Variants in TRPV2 observed in about 807,000 individuals in gnomAD.
TRPV2 encodes OTRPC2.
TRPV2 carries 58 observed loss-of-function variants against 91.0 expected under a neutral mutation model. The observed-to-expected ratio is 0.64, with a 90% CI of 0.52 to 0.79. TRPV2 has a LOEUF of 0.79. Ranked by LOEUF, TRPV2 falls within the 30% of genes least tolerant of loss-of-function variation. The pLI is 0.00. For synonymous variants in TRPV2, 417 were observed against 414.8 expected, an observed-to-expected ratio of 1.01 and a Z score of -0.06; for missense variants, 807 against 969.6, an observed-to-expected ratio of 0.83 and a Z score of 2.23.
chr17:16,429,053 A>G lies in TRPV2; in HGVS notation c.1587+71A>G. The G allele has an allele frequency of 1.2e-5, 18 of 1,537,686 alleles. No homozygotes were observed. In the South Asian group the frequency reaches 1.9e-4, roughly 16 times the overall value. On this transcript the variant is annotated intron_variant, in intron 10 of 14. Transcript: ENST00000338560. ...GCAAGAAGAGCCTTCCTCCACAGCT[A>G]TCCTAGGCAGAGGAGGGCATGTGTA... is the stretch of plus-strand genomic sequence containing the variant.
At chr17:16,428,519 C>T in intron 9 of TRPV2, 132 bp downstream of exon 9, 1 of 999,578 alleles carries the variant, frequency 1.0e-6, no homozygotes, top group Non-Finnish European at 1.6e-6. Context: ...GTGTACAGGC[C>T]AGTCCCAGGA....
chr17:16,422,736 G>C lies in TRPV2; in HGVS notation c.472G>C (p.Asp158His). 6.3e-7 allele frequency: 1 copy of C among 1,596,086 alleles called. No homozygotes were observed. The highest frequency in any genetic ancestry group is 8.5e-7 in the Non-Finnish European group (1 of 1,170,364). ...GCCCCTGGTAAATGCCCAGTGCACAGATGACTATTACCGAGGCCACAGCGC... is the reference window on the plus strand; with the variant it reads ...GCCCCTGGTAAATGCCCAGTGCACACATGACTATTACCGAGGCCACAGCGC... The part of the protein sequence containing the change: ...PQPLVNAQCT[D>H]DYYRGHSALH... Residue 158 changes from aspartate (D) to histidine (H), a missense_variant, in exon 4 of 15, where the codon GAT (aspartate) becomes CAT (histidine). Transcript: ENST00000338560.
At chr17:16,432,404 G>A in intron 12 of TRPV2, 104 bp downstream of exon 12, 1 of 1,018,956 alleles carries the variant, frequency 9.8e-7, no homozygotes, top group Non-Finnish European at 1.4e-6. Flanking sequence ...GGAGATGCCG[G>A]GTTGGGCAGC....
At chr17:16,417,958 C>G in intron 2 of TRPV2, 90 bp downstream of exon 2, 1 of 1,269,150 alleles carries the variant, frequency 7.9e-7, no homozygotes, top group Non-Finnish European at 1.1e-6. Flanking sequence ...TAGTCCAGCA[C>G]CAGTGCCCCT....
At chr17:16,429,013 T>C in intron 10 of TRPV2, 31 bp downstream of exon 10, 1 of 1,611,598 alleles carries the variant, frequency 6.2e-7, no homozygotes, top group Non-Finnish European at 8.5e-7. Context: ...ACCGGGACTC[T>C]TTTGGCCTCA....
At chr17:16,431,292 T>TATATATA (rs1491493192) in intron 10 of TRPV2, among the ~76,000 whole-genome samples, 74 of 16,266 alleles carry the variant, frequency 4.5e-3, no homozygotes, top group Non-Finnish European at 5.7e-3. Context: ...TATATACATA[T>TATATATA]TTTTTTTTTT....
chr17:16,434,422 C>T (rs1379516080), intron 13 of TRPV2, among the ~76,000 whole-genome samples: 11 of 148,934 alleles, frequency 7.4e-5, no homozygotes, highest in African/African-American at 2.0e-4. Context: ...GAGCTGAGAT[C>T]GCACCACTGC....
intron 3 of TRPV2, among the ~76,000 whole-genome samples, chr17:16,421,682 T>C (rs900560577): frequency 1.3e-5 from 2 of 151,842 alleles, no homozygotes; most frequent in African/African-American, 4.8e-5. Flanking sequence ...GCACTGCGCC[T>C]GGCTAATTTT....
At chr17:16,429,891 T>G in intron 10 of TRPV2, among the ~76,000 whole-genome samples, 2 of 148,444 alleles carry the variant, frequency 1.3e-5, no homozygotes. Flanking sequence ...TGAGATGGAG[T>G]CTCACTCTTG....
intron 10 of TRPV2, among the ~76,000 whole-genome samples, chr17:16,430,761 G>T (rs984129160): frequency 6.6e-6 from 1 of 152,080 alleles, no homozygotes; most frequent in Non-Finnish European, 1.5e-5. Flanking sequence ...TGCTGGGATT[G>T]CAGGCTGAGC....
At position 16,417,761 on chromosome 17, in the gene TRPV2, T is replaced by C; in HGVS notation, c.93T>C (p.Asp31=). 2 of 1,614,118 alleles carry C rather than the reference T, an allele frequency of 1.2e-6. No homozygotes were observed. The highest frequency in any genetic ancestry group is 1.7e-6 in the Non-Finnish European group (2 of 1,180,004). Residue 31 remains aspartate (D), a synonymous_variant, in exon 2 of 15, where the codon GAT becomes GAC. Coordinates refer to ENST00000338560, the MANE Select transcript of TRPV2 (RefSeq NM_016113.5). ...DGSEADRGKL[D]FGSGLPPMES... Reference sequence around the variant, plus strand: ...CTGAGGCGGACAGAGGAAAGCTGGATTTTGGGAGCGGGCTGCCTCCCATGG... The same window carrying C: ...CTGAGGCGGACAGAGGAAAGCTGGACTTTGGGAGCGGGCTGCCTCCCATGG...
intron 2 of TRPV2, 135 bp from the exon 3 acceptor site, chr17:16,419,980 G>A: frequency 7.7e-7 from 1 of 1,294,552 alleles, no homozygotes; most frequent in South Asian, 1.6e-5. Context: ...CCTCAGAAGG[G>A]CTCTCACTGG....
At chr17:16,432,704 A>G (rs1455992408) in intron 12 of TRPV2, among the ~76,000 whole-genome samples, 1 of 150,286 alleles carries the variant, frequency 6.7e-6, no homozygotes, top group African/African-American at 2.5e-5. Context: ...GATTACTCCC[A>G]CCTCCTTTAA....
At chr17:16,421,921 G>C (rs913940272) in intron 3 of TRPV2, among the ~76,000 whole-genome samples, 9 of 152,220 alleles carry the variant, frequency 5.9e-5, no homozygotes, top group African/African-American at 2.2e-4. Flanking sequence ...AGAGGAGATA[G>C]AGACATTAAG....
intron 3 of TRPV2, among the ~76,000 whole-genome samples, chr17:16,420,960 G>A (rs2093353824): frequency 1.3e-5 from 2 of 152,064 alleles, no homozygotes; most frequent in East Asian, 3.9e-4. Flanking sequence ...ACATAAATGG[G>A]GTCTTGACAC....
chr17:16,433,471 C>T, intron 12 of TRPV2, 103 bp from the exon 13 acceptor site: 3 of 1,496,526 alleles, frequency 2.0e-6, no homozygotes, highest in African/African-American at 1.4e-5. Context: ...TCGCGTTATA[C>T]TGTGAAGTGC....
At chr17:16,420,525 C>CT (rs147436979) in intron 3 of TRPV2, among the ~76,000 whole-genome samples, 2,321 of 152,258 alleles carry the variant, frequency 0.015, 57 homozygotes, top group African/African-American at 0.053. Context: ...CCAAAGCAAT[C>CT]TTTTTTTATC....
At chr17:16,431,268 TATATATATATATATATATAC>T (rs2093408696) in intron 10 of TRPV2, among the ~76,000 whole-genome samples, 1 of 72,324 alleles carries the variant, frequency 1.4e-5, no homozygotes, top group Non-Finnish European at 2.6e-5. Context: ...TATATATATA[TATATATATATATATATATAC>T]ATATTTTTTT....
chr17:16,434,486 A>G (rs2093427084), intron 13 of TRPV2, among the ~76,000 whole-genome samples: 1 of 149,040 alleles, frequency 6.7e-6, no homozygotes, highest in African/African-American at 2.5e-5. Context: ...AAAAAAAAAG[A>G]AAACAACAGC....
Sources: gnomAD v4.1 joint callset for allele counts (sites outside exome capture counted in the v4.1 genomes callset) on GRCh38, gnomAD v4.1.1 for gene constraint, MANE v1.5 for transcripts, NCBI Gene and HGNC (gene_info 2026-07-23, HGNC 2026-07-21) for gene names.